The following DPP6 variants were observed in gnomAD, a reference collection of about 807,000 sequenced individuals.
The protein encoded by DPP6 is A-type potassium channel modulatory protein DPP6.
Under a neutral mutation model 122.6 loss-of-function variants are expected in DPP6, and 69 were observed. The ratio of observed to expected loss-of-function variants is 0.56; its 90% CI spans 0.46 to 0.69. DPP6 has a LOEUF of 0.69. DPP6 is among the 30% of genes least tolerant of loss of function. The pLI, the probability that DPP6 is intolerant of heterozygous loss-of-function variation, is 0.00. For synonymous variants in DPP6, 418 were observed against 433.1 expected (o/e 0.97, Z 0.43); for missense variants, 928 against 1,116.9 (o/e 0.83, Z 2.41).
rs975817587 is a variant in DPP6 at position 154,666,469 on chromosome 7, C to T, written c.681-2891C>T. Among the ~76,000 whole-genome samples the T allele has an allele frequency of 2.0e-5, 3 of 151,896 alleles. No homozygotes were observed. In the East Asian group the frequency reaches 5.8e-4, roughly 29 times the overall value. On this transcript the variant is annotated intron_variant, in intron 6 of 25. Transcript: ENST00000377770. ...TATTAAATCAAGCTAATTAACATCT[C>T]TATCACCTCATATACTTATCTTTTT...
At chr7:154,328,865 G>A (rs1808672301) in intron 1 of DPP6, among the ~76,000 whole-genome samples, 1 of 152,124 alleles carries the variant, frequency 6.6e-6, no homozygotes, top group Admixed American at 6.5e-5. Flanking sequence ...CTTGGGAAGG[G>A]AACTGTGTGG....
At chr7:154,043,393 CAAAAAAAAAAAAAAAAAAAAA>C (rs58641655) in intron 1 of DPP6, among the ~76,000 whole-genome samples, 21 of 5,894 alleles carry the variant, frequency 3.6e-3, no homozygotes, top group South Asian at 0.012. Context: ...AACTCCATCT[CAAAAAAAAAAAAAAAAAAAAA>C]AAAAAAAAAA....
At chr7:154,498,442 G>A (rs2151403251) in intron 3 of DPP6, among the ~76,000 whole-genome samples, 1 of 152,194 alleles carries the variant, frequency 6.6e-6, no homozygotes, top group African/African-American at 2.4e-5. Flanking sequence ...AGGTTCAAGC[G>A]ATTCTCTGCC....
rs4129923 is a variant in DPP6, at chr7:154,274,504, C to T, written c.244-171710C>T. Among the ~76,000 whole-genome samples, 83 of 152,182 alleles carry T rather than the reference C, an allele frequency of 5.5e-4. No homozygotes were observed. The East Asian group carries it at 9.1e-3, about 17-fold the overall frequency. On this transcript the variant is annotated intron_variant, in intron 1 of 25. Transcript: ENST00000377770. ...AACATGGCCACTGACCACGCTAACA[C>T]GCTGACGAGGTGAGTCCTTCACCTC...
At chr7:154,390,864 C>G (rs949914199) in intron 1 of DPP6, among the ~76,000 whole-genome samples, 2 of 152,158 alleles carry the variant, frequency 1.3e-5, no homozygotes, top group Admixed American at 6.5e-5. Context: ...CGTTGCCATG[C>G]CATTTGTTGG....
intron 1 of DPP6, among the ~76,000 whole-genome samples, chr7:153,922,077 G>C (rs1465444331): frequency 6.6e-6 from 1 of 152,224 alleles, no homozygotes; most frequent in African/African-American, 2.4e-5. Context: ...ATACGGTCCT[G>C]AGTGGGAGTC....
intron 3 of DPP6, among the ~76,000 whole-genome samples, chr7:154,501,160 A>G (rs1825207658): frequency 1.3e-5 from 2 of 152,208 alleles, no homozygotes; most frequent in Non-Finnish European, 2.9e-5. Flanking sequence ...AAGGCATTCA[A>G]GAGGTGACCT....
intron 5 of DPP6, among the ~76,000 whole-genome samples, chr7:154,626,989 A>C (rs1232905764): frequency 7.3e-6 from 1 of 136,958 alleles, no homozygotes; most frequent in East Asian, 2.3e-4. Flanking sequence ...GGGGTCCATT[A>C]GAAATTTTTT....
At chr7:154,080,735 T>C (rs776054681) in intron 1 of DPP6, among the ~76,000 whole-genome samples, 17 of 152,324 alleles carry the variant, frequency 1.1e-4, no homozygotes, top group Non-Finnish European at 2.1e-4. Context: ...CCTGCATGTC[T>C]TCTCAATACC....
At chr7:153,910,081 C>A (rs1354050635) in intron 1 of DPP6, among the ~76,000 whole-genome samples, 2 of 152,002 alleles carry the variant, frequency 1.3e-5, no homozygotes, top group Admixed American at 6.6e-5. Flanking sequence ...TGTGATGCTC[C>A]GTGAATGTAA....
chr7:154,276,071 T>C (rs1238756508), intron 1 of DPP6, among the ~76,000 whole-genome samples: 4 of 152,248 alleles, frequency 2.6e-5, no homozygotes, highest in Non-Finnish European at 5.9e-5. Flanking sequence ...AGGCCAGCAC[T>C]CCAGGCTACG....
the DPP6 span, among the ~76,000 whole-genome samples, chr7:153,871,508 G>A: frequency 1.3e-5 from 2 of 152,206 alleles, no homozygotes; most frequent in Non-Finnish European, 2.9e-5. Flanking sequence ...GAAAAGCGCA[G>A]TATTAGGGTG....
intron 7 of DPP6, among the ~76,000 whole-genome samples, chr7:154,676,178 GGCTACAGCCTT>G: frequency 6.6e-6 from 1 of 150,952 alleles, no homozygotes; most frequent in African/African-American, 2.4e-5. Flanking sequence ...AGGTGTTCCG[GGCTACAGCCTT>G]GCAGCGTGCT....
intron 3 of DPP6, among the ~76,000 whole-genome samples, chr7:154,491,505 C>G (rs1017528145): frequency 6.6e-6 from 1 of 152,164 alleles, no homozygotes; most frequent in African/African-American, 2.4e-5. Flanking sequence ...ACCCATCCCC[C>G]GCCCCTTGTT....
At chr7:154,567,297 T>G (rs963495798) in intron 5 of DPP6, among the ~76,000 whole-genome samples, 4 of 152,200 alleles carry the variant, frequency 2.6e-5, no homozygotes, top group African/African-American at 9.7e-5. Context: ...ACTGAAATAA[T>G]ATGTTAATTA....
chr7:154,786,328 G>A (rs946211146), intron 10 of DPP6, among the ~76,000 whole-genome samples: 1 of 152,198 alleles, frequency 6.6e-6, no homozygotes, highest in African/African-American at 2.4e-5. Flanking sequence ...AGATGCTAAA[G>A]ATAAACCTCA....
the DPP6 span, among the ~76,000 whole-genome samples, chr7:153,753,592 G>A: frequency 1.3e-5 from 2 of 151,874 alleles, no homozygotes; most frequent in Admixed American, 6.6e-5. Context: ...CTTCCTATTT[G>A]TGAAGGTGGA....
intron 1 of DPP6, among the ~76,000 whole-genome samples, chr7:154,063,055 C>G (rs188717755): frequency 1.7e-5 from 2 of 118,202 alleles, no homozygotes; most frequent in South Asian, 3.2e-4. Context: ...GCACCCCCCA[C>G]GAGAGTGGGG....
chr7:154,274,376 G>C (rs1803991456), intron 1 of DPP6, among the ~76,000 whole-genome samples: 1 of 152,102 alleles, frequency 6.6e-6, no homozygotes, highest in African/African-American at 2.4e-5. Flanking sequence ...ACAACCCCCA[G>C]TTTTCCTGCA....
Sources: gnomAD v4.1 joint callset for allele counts (sites outside exome capture counted in the v4.1 genomes callset) on GRCh38, gnomAD v4.1.1 for gene constraint, MANE v1.5 for transcripts, NCBI Gene and HGNC (gene_info 2026-07-23, HGNC 2026-07-21) for gene names.